FNDC3A: variants seen among roughly 807,000 people sequenced by gnomAD.
The protein encoded by FNDC3A is fibronectin type III domain containing 3A, also known as fibronectin type-III domain-containing protein 3A.
FNDC3A carries 32 observed loss-of-function variants against 148.9 expected under a neutral mutation model. The observed-to-expected ratio is 0.21, with a 90% CI of 0.16 to 0.29. The LOEUF (loss-of-function observed/expected upper bound fraction) is 0.29. FNDC3A is among the 10% of genes least tolerant of loss of function. FNDC3A has a pLI of 1.00. For missense variants in FNDC3A, 1,191 were observed against 1,452.8 expected (o/e 0.82, Z 2.93); for synonymous variants, 472 against 473.6 (o/e 1.00, Z 0.04).
Position 49,201,164 on chromosome 13 carries a change from C to G in FNDC3A, c.2988-636C>G, listed in dbSNP as rs570726364. 2.3e-5 allele frequency: 7 copies of G among 302,396 alleles called. No individual in the cohort carries two copies. In the East Asian group the frequency reaches 2.9e-4, roughly 13 times the overall value. The allele number at this position is 302,396 out of a possible 1,614,324, so 18.7% of individuals were successfully genotyped here. On this transcript the variant is annotated intron_variant, in intron 23 of 25. Transcript: ENST00000492622. ...CCAATCAAAAATAATGGGATGCATT[C>G]AACTTATAGATAACATATTAGGAGA... is the stretch of plus-strand genomic sequence containing the variant.
At chr13:49,045,064 T>TCCTTTC (rs956486559) in intron 2 of FNDC3A, 2 of 186,740 alleles carry the variant, frequency 1.1e-5, no homozygotes, top group Non-Finnish European at 2.2e-5. Context: ...CTTTCCCTTT[T>TCCTTTC]CCTTTCCCTT....
At chr13:49,115,084 A>G (rs1386265920) in intron 4 of FNDC3A, among the ~76,000 whole-genome samples, 1 of 152,030 alleles carries the variant, frequency 6.6e-6, no homozygotes, top group East Asian at 1.9e-4. Context: ...ACCCAAGACA[A>G]TGCTTCCAAC....
chr13:49,133,477 AGTG>A (rs1882154646), intron 5 of FNDC3A, among the ~76,000 whole-genome samples: 2 of 152,192 alleles, frequency 1.3e-5, no homozygotes, highest in Admixed American at 1.3e-4. Flanking sequence ...TTAGCTACCC[AGTG>A]GTAAAAGGGA....
chr13:49,079,215 TA>T (rs1211694518), intron 3 of FNDC3A, among the ~76,000 whole-genome samples: 2 of 152,234 alleles, frequency 1.3e-5, no homozygotes, highest in African/African-American at 4.8e-5. Flanking sequence ...AATTGCTAAT[TA>T]TTTTTTTCTA....
intron 14 of FNDC3A, among the ~76,000 whole-genome samples, chr13:49,179,736 A>G (rs951797730): frequency 1.3e-5 from 2 of 152,184 alleles, no homozygotes; most frequent in Non-Finnish European, 2.9e-5. Context: ...ATCCCCTACA[A>G]GCTGGCTTCA....
intron 2 of FNDC3A, among the ~76,000 whole-genome samples, chr13:49,072,190 G>C (rs79146442): frequency 1.9e-3 from 288 of 152,108 alleles, no homozygotes; most frequent in African/African-American, 6.7e-3. Flanking sequence ...AGCTGATTTT[G>C]TATATGTTGA....
intron 4 of FNDC3A, among the ~76,000 whole-genome samples, 173 bp downstream of exon 4, chr13:49,114,904 T>A (rs1015394295): frequency 2.6e-5 from 4 of 152,132 alleles, no homozygotes; most frequent in African/African-American, 9.7e-5. Context: ...GGAAGAAAAA[T>A]TTTTATTGGC....
chr13:48,985,976 C>T (rs1181931164), intron 1 of FNDC3A, among the ~76,000 whole-genome samples: 2 of 152,148 alleles, frequency 1.3e-5, no homozygotes, highest in African/African-American at 2.4e-5. Context: ...GTTTTCCCTG[C>T]GTAATTTTTA....
Position 49,174,552 on chromosome 13 carries a change from G to T in FNDC3A, c.1348G>T (p.Gly450Cys). Residue 450 changes from glycine to cysteine, a missense_variant, in exon 12 of 26, where the codon GGT (glycine) becomes TGT (cysteine). This residue lies in a region of FNDC3A where 751 missense variants were observed against 944.0 expected (regional missense o/e 0.80). Transcript: ENST00000492622. ...KFRLSARNDY[G>C]TSGFSEEVLY... ...CAGACTATCGGCCAGAAATGACTAT[G>T]GTACAAGGTAAGGTGTACTTTATAA... 1 of 1,610,562 alleles carries T rather than the reference G, an allele frequency of 6.2e-7. No homozygotes were observed.
At position 49,168,635 on chromosome 13, in the gene FNDC3A, A is replaced by T. The variant is rs759840570; in HGVS notation, c.1060A>T (p.Ile354Leu). The change falls in exon 10 of 26, where the codon ATA (isoleucine) becomes TTA (leucine). Residue 354 changes from isoleucine to leucine, a missense_variant. Physicochemically the swap from Ile to Leu is conservative, Grantham distance 5. Coordinates refer to ENST00000492622, the MANE Select transcript of FNDC3A (RefSeq NM_001079673.2). ...TAGAGTCCAGGCAGAATATAATTCT[A>T]TAAAGGGAACTCCTTCAGAGGCTGA... The part of the protein sequence containing the change: ...HAKVQAEYNS[I>L]KGTPSEAEIF... The T allele has an allele frequency of 2.5e-6, 4 of 1,610,474 alleles. No individual in the cohort carries two copies. The highest frequency in any genetic ancestry group is 3.4e-6 in the Non-Finnish European group (4 of 1,176,750).
At chr13:49,008,882 T>C (rs1339755520) in intron 2 of FNDC3A, among the ~76,000 whole-genome samples, 1 of 152,134 alleles carries the variant, frequency 6.6e-6, no homozygotes, top group African/African-American at 2.4e-5. Flanking sequence ...ATAAGAAAAA[T>C]TGAGCAGACA....
chr13:48,996,812 A>C (rs1952032070), intron 1 of FNDC3A, among the ~76,000 whole-genome samples: 1 of 152,200 alleles, frequency 6.6e-6, no homozygotes, highest in Non-Finnish European at 1.5e-5. Context: ...CTGTAATCCC[A>C]GCACTTTGGG....
chr13:49,053,133 G>T (rs899732068), intron 2 of FNDC3A, among the ~76,000 whole-genome samples: 1 of 152,182 alleles, frequency 6.6e-6, no homozygotes, highest in Admixed American at 6.5e-5. Flanking sequence ...CTGAGTACTT[G>T]CCCCAGATCA....
At chr13:49,158,155 G>C (rs1439935492) in intron 8 of FNDC3A, among the ~76,000 whole-genome samples, 2 of 152,144 alleles carry the variant, frequency 1.3e-5, no homozygotes, top group African/African-American at 4.8e-5. Context: ...TCAGACTGCT[G>C]TGCTAGCAAT....
chr13:49,059,267 A>T (rs115531894), intron 2 of FNDC3A, among the ~76,000 whole-genome samples: 294 of 152,358 alleles, frequency 1.9e-3, no homozygotes, highest in African/African-American at 6.8e-3. Flanking sequence ...TAGAACTCTT[A>T]GAAGACAACA....
chr13:49,166,880 T>C (rs1298579764), intron 8 of FNDC3A, among the ~76,000 whole-genome samples: 1 of 152,212 alleles, frequency 6.6e-6, no homozygotes, highest in Non-Finnish European at 1.5e-5. Context: ...ATTGGCAATT[T>C]TGCTTTCAAC....
chr13:49,091,048 A>G (rs1046182173), intron 3 of FNDC3A, among the ~76,000 whole-genome samples: 1 of 152,158 alleles, frequency 6.6e-6, no homozygotes, highest in Non-Finnish European at 1.5e-5. Context: ...AGGGAAAGAC[A>G]TAGGCTCTCA....
intron 19 of FNDC3A, among the ~76,000 whole-genome samples, chr13:49,195,485 A>T (rs1377855546): frequency 2.6e-5 from 4 of 152,166 alleles, no homozygotes; most frequent in African/African-American, 9.7e-5. Flanking sequence ...AAAACTTTTT[A>T]AAATTTTATT....
In FNDC3A at chr13:48,976,174, G is replaced by A. The variant is rs1202397456; in HGVS notation, c.-43G>A. The A allele has an allele frequency of 6.6e-6, 1 of 152,326 alleles. No homozygotes were observed. The highest frequency in any genetic ancestry group is 1.5e-5 in the Non-Finnish European group (1 of 68,136). The allele number at this position is 152,326 out of a possible 1,614,324, so 9.4% of individuals were successfully genotyped here. ...CTTCTGCCTCAGAACGGCGTGACTC[G>A]GAGGTGAGAGCGCGGGCACTCCCTC... is the stretch of plus-strand genomic sequence containing the variant. On this transcript the variant is annotated 5_prime_UTR_variant, in exon 1 of 26. Coordinates refer to ENST00000492622, the MANE Select transcript of FNDC3A (RefSeq NM_001079673.2).
Sources: allele counts gnomAD v4.1 joint callset (sites outside exome capture counted in the v4.1 genomes callset), GRCh38; gene constraint gnomAD v4.1.1; regional missense constraint gnomAD v4.1.1; transcripts MANE v1.5; gene names NCBI Gene and HGNC (gene_info 2026-07-23, HGNC 2026-07-21).